The following ABCA10 variants were observed in gnomAD, a reference collection of about 807,000 sequenced individuals.
The protein encoded by ABCA10 is ATP binding cassette subfamily A member 10, also known as ATP-binding cassette sub-family A member 10.
ABCA10 carries 169 observed loss-of-function variants against 187.5 expected under a neutral mutation model. That is an observed-to-expected ratio of 0.90 (90% confidence interval 0.80 to 1.02). ABCA10 has a LOEUF of 1.02. ABCA10 is among the 50% of genes least tolerant of loss of function. ABCA10 has a pLI of 0.00. For missense variants in ABCA10, 1,727 were observed against 1,812.4 expected (o/e 0.95, Z 0.86); for synonymous variants, 574 against 601.8 (o/e 0.95, Z 0.68).
intron 16 of ABCA10, 103 bp downstream of exon 16, chr17:69,192,460 A>G: frequency 1.0e-6 from 1 of 970,326 alleles, no homozygotes; most frequent in Admixed American, 2.5e-5. Flanking sequence ...AACAGTTTCT[A>G]CCAGAAGTTA....
chr17:69,204,661 T>C (rs2074576854), intron 9 of ABCA10, among the ~76,000 whole-genome samples: 1 of 152,238 alleles, frequency 6.6e-6, no homozygotes, highest in African/African-American at 2.4e-5. Flanking sequence ...TAACCCATCA[T>C]AGGCTTCAAT....
intron 3 of ABCA10, among the ~76,000 whole-genome samples, chr17:69,223,956 T>C (rs6501290): frequency 0.2 from 30,420 of 152,032 alleles, 4,975 homozygotes; most frequent in African/African-American, 0.45. Context: ...CTTCAGTAAA[T>C]GCTTCATGAG....
chr17:69,191,346 G>A (rs1303154787), intron 16 of ABCA10, 31 bp from the exon 17 acceptor site: 1 of 1,489,584 alleles, frequency 6.7e-7, no homozygotes, highest in African/African-American at 1.4e-5. Flanking sequence ...TAAGTCTCTT[G>A]AATTCTTTTC....
intron 5 of ABCA10, 98 bp downstream of exon 5, chr17:69,221,694 C>G (rs1297837133): frequency 9.3e-7 from 1 of 1,071,198 alleles, no homozygotes; most frequent in African/African-American, 1.6e-5. Flanking sequence ...CAAAGTATCA[C>G]CTCCTAAGAG....
rs1239933875 is a variant in ABCA10 at position 69,148,882 on chromosome 17, T to A, written c.4577A>T (p.Asp1526Val). The change falls in exon 39 of 39, where the codon GAT becomes GTT. Residue 1526 changes from aspartate (D) to valine (V), a missense_variant. Coordinates refer to ENST00000690296, the MANE Select transcript of ABCA10 (RefSeq NM_001377321.1). Reference protein sequence around the residue: ...LCKEQELGNVDDKIDTTVEWK... With the variant: ...LCKEQELGNVVDKIDTTVEWK... ...TTCAACTGTTGTATCAATTTTATCA[T>A]CAACATTTCCCAGCTCCTGCTCTTT... The A allele has an allele frequency of 6.2e-7, 1 of 1,613,740 alleles. No individual in the cohort carries two copies. Among genetic ancestry groups the A allele is most frequent in the East Asian group, 2.2e-5 (1 of 44,852 alleles).
chr17:69,184,054 C>T (rs1222213240), intron 20 of ABCA10, among the ~76,000 whole-genome samples: 2 of 152,198 alleles, frequency 1.3e-5, no homozygotes, highest in Non-Finnish European at 2.9e-5. Flanking sequence ...ACTTTGCGGG[C>T]TGTGTGGGAA....
Position 69,148,516 on chromosome 17 carries a change from A to G in ABCA10, c.*311T>C, listed in dbSNP as rs958760667. 1.0e-5 allele frequency: 2 copies of G among 191,302 alleles called. No homozygotes were observed. The highest frequency in any genetic ancestry group is 4.7e-5 in the African/African-American group (2 of 42,680). 11.9% of individuals were successfully genotyped at this position (191,302 alleles called of 1,614,324 possible). On this transcript the variant is annotated 3_prime_UTR_variant, in exon 39 of 39. Coordinates refer to ENST00000690296, the MANE Select transcript of ABCA10 (RefSeq NM_001377321.1). ...ATATTTTTATTTGTAAAATGTTCTC[A>G]GTGTTAGCTTTATTGATAATAACCG...
In ABCA10 at chr17:69,149,074, T is replaced by C; in HGVS notation, c.4492A>G (p.Asn1498Asp). ...TGAGAGAGGCTGTATTCCTCCAGGT[T>C]GAAGGTCTGTTTCACTGCATGTAAA... ...FKLEAMKQTF[N>D]LEEYSLSQAT... is the part of the protein sequence containing the mutation. Residue 1498 changes from asparagine to aspartate, a missense_variant, in exon 38 of 39, where the codon AAC becomes GAC. Physicochemically the swap from Asn to Asp is conservative, Grantham distance 23 (BLOSUM62 1). Transcript: ENST00000690296. 1 of 1,614,016 alleles carries C rather than the reference T, an allele frequency of 6.2e-7. No individual in the cohort carries two copies. The highest frequency in any genetic ancestry group is 2.2e-5 in the East Asian group (1 of 44,868).
intron 13 of ABCA10, 51 bp from the exon 14 acceptor site, chr17:69,193,663 G>A: frequency 6.4e-7 from 1 of 1,552,012 alleles, no homozygotes; most frequent in Non-Finnish European, 8.7e-7. Flanking sequence ...ACTTTAAGGA[G>A]TTTTTACTCT....
At chr17:69,212,269 T>G (rs1419613684) in intron 9 of ABCA10, among the ~76,000 whole-genome samples, 1 of 152,328 alleles carries the variant, frequency 6.6e-6, no homozygotes, top group East Asian at 1.9e-4. Context: ...ATTTAATTTC[T>G]GTGTGTTTGC....
At chr17:69,226,521 A>G (rs1415249382) in intron 2 of ABCA10, among the ~76,000 whole-genome samples, 1 of 152,058 alleles carries the variant, frequency 6.6e-6, no homozygotes, top group Non-Finnish European at 1.5e-5. Flanking sequence ...TATATCTCAT[A>G]GTAACACAAA....
intron 1 of ABCA10, among the ~76,000 whole-genome samples, chr17:69,239,749 G>GT (rs1374359509): frequency 6.6e-6 from 1 of 152,182 alleles, no homozygotes; most frequent in Non-Finnish European, 1.5e-5. Flanking sequence ...TGTGAGCCCA[G>GT]TGTTATCATG....
chr17:69,206,312 G>A (rs927847358), intron 9 of ABCA10, among the ~76,000 whole-genome samples: 2 of 152,160 alleles, frequency 1.3e-5, no homozygotes, highest in Non-Finnish European at 2.9e-5. Flanking sequence ...AAAAAATGAA[G>A]TTGGTACAGC....
At chr17:69,221,125 G>A (rs2074744326) in intron 5 of ABCA10, among the ~76,000 whole-genome samples, 3 of 152,200 alleles carry the variant, frequency 2.0e-5, no homozygotes, top group Non-Finnish European at 1.5e-5. Flanking sequence ...GGGGAGATAA[G>A]TTGGCAAGAA....
Position 69,241,827 on chromosome 17 carries a change from A to G in ABCA10, c.-593+2702T>C, listed in dbSNP as rs563899408. 3.2e-4 allele frequency among the ~76,000 whole-genome samples: 48 copies of G among 152,358 alleles called. 1 individual carries two copies. The highest frequency in any genetic ancestry group is 1.1e-3 in the African/African-American group (47 of 41,582). On this transcript the variant is annotated intron_variant, in intron 1 of 39. Coordinates refer to the ABCA10 transcript ENST00000269081. ...TATTGTTTCAATAATGTATATGCCT[A>G]GTGCTTAGAAAAGTGCTTGATTCTT...
In ABCA10 at chr17:69,148,716, T is replaced by C. The variant is rs2074106503; in HGVS notation, c.*111A>G. 3 of 915,302 alleles carry C rather than the reference T, an allele frequency of 3.3e-6. No individual in the cohort carries two copies. The highest frequency in any genetic ancestry group is 2.8e-5 in the Admixed American group (1 of 36,254). 56.7% of individuals were successfully genotyped at this position (915,302 alleles called of 1,614,324 possible). A position where few individuals can be genotyped will look rare whatever the true frequency, so the allele number is the denominator to read the frequency against. ...TGAAAACTGTAATCATTATTGAATGTTTATTAAATGTTTTCTTTTGTTAAC... is the reference window on the plus strand; with the variant it reads ...TGAAAACTGTAATCATTATTGAATGCTTATTAAATGTTTTCTTTTGTTAAC... On this transcript the variant is annotated 3_prime_UTR_variant, in exon 39 of 39. Coordinates refer to ENST00000690296, the MANE Select transcript of ABCA10 (RefSeq NM_001377321.1).
chr17:69,182,239 C>G lies in ABCA10; in HGVS notation c.2683G>C (p.Val895Leu), dbSNP rs1369896356. 2.5e-6 allele frequency: 4 copies of G among 1,594,508 alleles called. No homozygotes were observed. The highest frequency in any genetic ancestry group is 2.6e-6 in the Non-Finnish European group (3 of 1,169,728). The change falls in exon 22 of 39, where the codon GTT (valine) becomes CTT (leucine). Residue 895 changes from valine to leucine, a missense_variant. By Grantham distance (32) the Val-to-Leu change is conservative. Transcript: ENST00000690296. ...GCATTGCTAACAATTCCCATAAGAA[C>G]AGGAAAACAATTCAATTTCTTGGTA... Reference protein sequence around the residue: ...CNTKKLNCFPVLMGIVSNALM... With the variant: ...CNTKKLNCFPLLMGIVSNALM...
rs1424866975 is a variant in ABCA10, at chr17:69,164,907, A to ATT, written c.3282+55_3282+56dup. 1.2e-5 allele frequency: 19 copies of ATT among 1,561,008 alleles called. No individual in the cohort carries two copies. The African/African-American group carries it at 2.2e-4, about 18-fold the overall frequency. ...GCACCTGTTCCGACAATGGGTAAGGATTTTATTAATGGGCTACAAGGTCAA... is the reference window on the plus strand; with the variant it reads ...GCACCTGTTCCGACAATGGGTAAGGATTTTTTATTAATGGGCTACAAGGTCAA... On this transcript the variant is annotated intron_variant, in intron 26 of 38. Coordinates refer to ENST00000690296, the MANE Select transcript of ABCA10 (RefSeq NM_001377321.1).
Position 69,153,560 on chromosome 17 carries a change from G to A in ABCA10, c.3966-14C>T, listed in dbSNP as rs781583604. 14 of 1,613,868 alleles carry A rather than the reference G, an allele frequency of 8.7e-6. No individual in the cohort carries two copies. The African/African-American group carries it at 1.9e-4, about 22-fold the overall frequency. On this transcript the variant is annotated splice_polypyrimidine_tract_variant and intron_variant, in intron 32 of 38. Transcript: ENST00000690296. ...GCTTCCACCAATCTGACAAAAAACA[G>A]TGTGATTATACATGAAGTATATGGC...
Sources: allele counts gnomAD v4.1 joint callset (sites outside exome capture counted in the v4.1 genomes callset), GRCh38; gene constraint gnomAD v4.1.1; transcripts MANE v1.5; gene names NCBI Gene and HGNC (gene_info 2026-07-23, HGNC 2026-07-21).